Variants in SLC18A1 observed in about 807,000 individuals in gnomAD.
SLC18A1 encodes solute carrier family 18 member A1, also known as chromaffin granule amine transporter.
In SLC18A1, 69 loss-of-function variants were observed where a neutral mutation model predicts 53.7. The observed-to-expected ratio is 1.28, with a 90% confidence interval of 1.06 to 1.57. SLC18A1 has a LOEUF of 1.57. Ranked by LOEUF, SLC18A1 falls within the 40% of genes most tolerant of loss-of-function variation. SLC18A1 has a pLI of 0.00. For synonymous variants in SLC18A1, 320 were observed against 248.1 expected, an observed-to-expected ratio of 1.29 and a Z score of -2.72; for missense variants, 932 against 668.1, an observed-to-expected ratio of 1.40 and a Z score of -4.35.
chr8:20,146,195 G>A (rs550015681), intron 15 of SLC18A1, among the ~76,000 whole-genome samples: 3 of 152,104 alleles, frequency 2.0e-5, no homozygotes, highest in Non-Finnish European at 2.9e-5. Context: ...GATTACAGGC[G>A]TGAGCCACCG....
At chr8:20,148,905 G>C (rs952174842) in intron 12 of SLC18A1, among the ~76,000 whole-genome samples, 3 of 152,108 alleles carry the variant, frequency 2.0e-5, no homozygotes, top group African/African-American at 7.2e-5. Context: ...ACAACCCTGT[G>C]GACACCATCA....
intron 10 of SLC18A1, among the ~76,000 whole-genome samples, chr8:20,157,673 G>A (rs1216949108): frequency 6.6e-6 from 1 of 152,186 alleles, no homozygotes; most frequent in Non-Finnish European, 1.5e-5. Context: ...TTATCACTCA[G>A]TCAGCTGCAG....
Position 20,147,881 on chromosome 8 carries a change from G to A in SLC18A1, c.1210+126C>T, listed in dbSNP as rs1287369612. On this transcript the variant is annotated intron_variant, in intron 13 of 15. Transcript: ENST00000276373. ...TACGAGCTCATCTCTCCACAACCCT[G>A]CCAGCTGCCCTCCTGATCCTTCTGC... 4.2e-6 allele frequency: 6 copies of A among 1,429,222 alleles called. No homozygotes were observed. The East Asian group carries it at 1.2e-4, about 29-fold the overall frequency. The allele number at this position is 1,429,222 out of a possible 1,614,324, so 88.5% of individuals were successfully genotyped here. A position where few individuals can be genotyped will look rare whatever the true frequency, so the allele number is the denominator to read the frequency against.
At chr8:20,162,850 C>T (rs2128873492) in intron 10 of SLC18A1, among the ~76,000 whole-genome samples, 1 of 152,332 alleles carries the variant, frequency 6.6e-6, no homozygotes, top group Admixed American at 6.5e-5. Flanking sequence ...AATGCCTTAA[C>T]CACAGCAATA....
chr8:20,181,825 T>C (rs1269037091), intron 1 of SLC18A1: 2 of 152,136 alleles, frequency 1.3e-5, no homozygotes, highest in Non-Finnish European at 2.9e-5. Flanking sequence ...AGTGTCAAAC[T>C]GGGATGAAAT....
intron 10 of SLC18A1, 113 bp from the exon 11 acceptor site, chr8:20,150,857 A>C (rs916198070): frequency 6.5e-6 from 6 of 928,142 alleles, no homozygotes; most frequent in Non-Finnish European, 8.6e-6. Flanking sequence ...TCCCCAAACC[A>C]CTTTGTTTTA....
chr8:20,174,579 C>T, intron 4 of SLC18A1, 135 bp from the exon 5 acceptor site: 1 of 629,558 alleles, frequency 1.6e-6, no homozygotes, highest in Non-Finnish European at 2.9e-6. Flanking sequence ...ATGACTGTTC[C>T]CTGTTTTTTG....
chr8:20,148,618 A>C, intron 12 of SLC18A1: 1 of 477,218 alleles, frequency 2.1e-6, no homozygotes, highest in Non-Finnish European at 4.0e-6. Flanking sequence ...GAAGCTTGTG[A>C]GACTCATTCC....
chr8:20,145,637 A>T lies in SLC18A1; in HGVS notation c.*126T>A, dbSNP rs1307917450. 1.8e-6 allele frequency: 1 copy of T among 555,212 alleles called. No individual in the cohort carries two copies. The highest frequency in any genetic ancestry group is 3.2e-6 in the Non-Finnish European group (1 of 310,592). 34.4% of individuals were successfully genotyped at this position (555,212 alleles called of 1,614,324 possible). A position where few individuals can be genotyped will look rare whatever the true frequency, so the allele number is the denominator to read the frequency against. On this transcript the variant is annotated 3_prime_UTR_variant, in exon 16 of 16. Transcript: ENST00000276373. The stretch of plus-strand genomic sequence containing the variant: ...TCAGGGACAGTGTCCATGGGAGGGG[A>T]GGAAAGAAGATTCCCAGGCAGAGGT...
intron 8 of SLC18A1, among the ~76,000 whole-genome samples, chr8:20,167,289 G>T (rs778959711): frequency 6.6e-6 from 1 of 152,136 alleles, no homozygotes; most frequent in Non-Finnish European, 1.5e-5. Context: ...AAAAAGAACT[G>T]AAAAGTCTTG....
rs1184734466 is a variant in SLC18A1 at position 20,145,828 on chromosome 8, G to C, written c.1513C>G (p.Gln505Glu). 6.2e-7 allele frequency: 1 copy of C among 1,612,222 alleles called. No individual in the cohort carries two copies. Among genetic ancestry groups the C allele is most frequent in the East Asian group, 2.2e-5 (1 of 44,798 alleles). Reference sequence around the variant, plus strand: ...AGAGGAAATTCCTTCGTGGGCTTCTGGGTTGCATACATCCGGGTCTCCATG... The same window carrying C: ...AGAGGAAATTCCTTCGTGGGCTTCTCGGTTGCATACATCCGGGTCTCCATG... ...CPMETRMYAT[Q>E]KPTKEFPLGE... Residue 505 changes from glutamine (Q) to glutamate (E), a missense_variant, in exon 16 of 16, where the codon CAG (glutamine) becomes GAG (glutamate). Transcript: ENST00000276373.
chr8:20,152,842 G>C (rs1382267307), intron 10 of SLC18A1, among the ~76,000 whole-genome samples: 1 of 152,164 alleles, frequency 6.6e-6, no homozygotes, highest in African/African-American at 2.4e-5. Context: ...AGATGGAATC[G>C]AGAAGAGGAG....
chr8:20,153,517 A>C (rs2071611461), intron 10 of SLC18A1, among the ~76,000 whole-genome samples: 1 of 152,154 alleles, frequency 6.6e-6, no homozygotes, highest in Admixed American at 6.5e-5. Context: ...CTCTACTAAA[A>C]AATACAAAAA....
intron 10 of SLC18A1, among the ~76,000 whole-genome samples, chr8:20,158,088 C>T (rs1040297569): frequency 2.0e-5 from 3 of 152,196 alleles, no homozygotes; most frequent in African/African-American, 7.2e-5. Flanking sequence ...ACTGAGGGTG[C>T]CCAGGGCAAG....
At chr8:20,149,570 CTT>C (rs1563721891) in intron 12 of SLC18A1, 104 bp downstream of exon 12, 3 of 909,652 alleles carry the variant, frequency 3.3e-6, no homozygotes, top group Non-Finnish European at 5.1e-6. Context: ...ATGTCTGTGT[CTT>C]TCTCTCTCTC....
intron 12 of SLC18A1, 62 bp downstream of exon 12, chr8:20,149,614 C>CTCTCTG (rs1554533931): frequency 3.3e-6 from 4 of 1,200,962 alleles, no homozygotes; most frequent in African/African-American, 3.3e-5. Flanking sequence ...CTCTCTCTCT[C>CTCTCTG]TCTGTCTGTC....
chr8:20,149,806 C>A, intron 11 of SLC18A1, 79 bp from the exon 12 acceptor site: 4 of 1,363,624 alleles, frequency 2.9e-6, no homozygotes, highest in Non-Finnish European at 4.2e-6. Flanking sequence ...CCATGCTGAC[C>A]TGTCCCACCA....
rs2071914948 is a variant in SLC18A1 at position 20,164,865 on chromosome 8, T to C, written c.1015+4A>G. On this transcript the variant is annotated splice_donor_region_variant and intron_variant, in intron 10 of 15. Coordinates refer to ENST00000276373, the MANE Select transcript of SLC18A1 (RefSeq NM_003053.4). Reference sequence around the variant, plus strand: ...CCCTGAGCGGGGGTGCTGAGGTCACTTACCCAGCTGCCACTTGGGGGAGCA... The same window carrying C: ...CCCTGAGCGGGGGTGCTGAGGTCACCTACCCAGCTGCCACTTGGGGGAGCA... The C allele has an allele frequency of 3.7e-6, 6 of 1,604,192 alleles. No individual in the cohort carries two copies. Among genetic ancestry groups the C allele is most frequent in the South Asian group, 1.1e-5 (1 of 90,518 alleles).
Position 20,153,876 on chromosome 8 carries a change from T to C in SLC18A1, c.1016-3132A>G, listed in dbSNP as rs1451424873. Among the ~76,000 whole-genome samples the C allele has an allele frequency of 2.0e-5, 3 of 152,208 alleles. No homozygotes were observed. In the East Asian group the frequency reaches 5.8e-4, roughly 29 times the overall value. ...ATACTGACATCAAGGTGATATTGCTTGATATTTGTCCTCTTGAAATTTCAC... is the reference window on the plus strand; with the variant it reads ...ATACTGACATCAAGGTGATATTGCTCGATATTTGTCCTCTTGAAATTTCAC... On this transcript the variant is annotated intron_variant, in intron 10 of 15. Coordinates refer to ENST00000276373, the MANE Select transcript of SLC18A1 (RefSeq NM_003053.4).
Sources: gnomAD v4.1 joint callset for allele counts (sites outside exome capture counted in the v4.1 genomes callset) on GRCh38, gnomAD v4.1.1 for gene constraint, MANE v1.5 for transcripts, NCBI Gene and HGNC (gene_info 2026-07-23, HGNC 2026-07-21) for gene names.